PCSK4: variants seen among roughly 807,000 people sequenced by gnomAD.
PCSK4 encodes proprotein convertase subtilisin/kexin type 4, also known as testicular tissue protein Li 135.
PCSK4 carries 64 observed loss-of-function variants against 80.3 expected under a neutral mutation model. That is an observed-to-expected ratio of 0.80 (90% CI 0.65 to 0.98). The LOEUF (loss-of-function observed/expected upper bound fraction) is 0.98. PCSK4 is among the 50% of genes least tolerant of loss of function. The pLI is 0.00. For synonymous variants in PCSK4, 561 were observed against 487.6 expected, an observed-to-expected ratio of 1.15 and a Z score of -1.98; for missense variants, 1,213 against 1,093.6, an observed-to-expected ratio of 1.11 and a Z score of -1.54.
chr19:1,488,100 G>T lies in PCSK4; in HGVS notation c.388-8C>A. On this transcript the variant is annotated splice_polypyrimidine_tract_variant and splice_region_variant and intron_variant, in intron 3 of 14. Coordinates refer to ENST00000300954, the Ensembl canonical transcript of PCSK4. ...TGGTTGGGCCTCGCTGTTCTGCAGG[G>T]GGAGGCGGGGTTGTGACCCTGTGAG... 2 of 1,612,884 alleles carry T rather than the reference G, an allele frequency of 1.2e-6. No homozygotes were observed. The highest frequency in any genetic ancestry group is 1.7e-6 in the Non-Finnish European group (2 of 1,179,688).
At chr19:1,484,122 G>A in exon 9 of PCSK4, 1 of 1,552,110 alleles carries the variant, frequency 6.4e-7, no homozygotes, top group Middle Eastern at 1.7e-4. Context: ...GCAGGTCCGT[G>A]GTGACCTGAG....
exon 12 of PCSK4, chr19:1,483,393 A>C: frequency 6.2e-7 from 1 of 1,604,634 alleles, no homozygotes; most frequent in Non-Finnish European, 8.5e-7. Flanking sequence ...TGCTCCAGCG[A>C]GCGGATGGAG....
At chr19:1,486,877 G>A (rs763557304) in exon 8 of PCSK4, 18 of 1,598,896 alleles carry the variant, frequency 1.1e-5, no homozygotes, top group Middle Eastern at 3.7e-4. Flanking sequence ...TGGCCACGCC[G>A]CTGCTGTAGG....
intron 2 of PCSK4, among the ~76,000 whole-genome samples, chr19:1,488,842 A>C (rs2084783535): frequency 6.6e-6 from 1 of 152,126 alleles, no homozygotes; most frequent in African/African-American, 2.4e-5. Context: ...TGGCCTCCCG[A>C]AGTGCCGGGA....
exon 9 of PCSK4, chr19:1,484,049 T>C (rs1261291708): frequency 2.6e-6 from 4 of 1,555,438 alleles, no homozygotes; most frequent in Non-Finnish European, 3.5e-6. Context: ...GCTAGGGCGA[T>C]CATGCCGGCC....
intron 12 of PCSK4, 26 bp downstream of exon 12, chr19:1,483,258 C>T: frequency 1.3e-6 from 2 of 1,534,164 alleles, no homozygotes; most frequent in Non-Finnish European, 1.8e-6. Context: ...CATGAGGCCG[C>T]CCCCTCTCCT....
rs2084638100 is a variant in PCSK4 at position 1,486,740 on chromosome 19, C to T, written c.1068+113G>A. On this transcript the variant is annotated intron_variant, in intron 8 of 14. Coordinates refer to ENST00000300954, the Ensembl canonical transcript of PCSK4. ...AGCCACCGTGCTCGGCCTGGATTTG[C>T]ATTTTCAAAGCAGCTTTGGGAGGGT... 1.5e-5 allele frequency: 14 copies of T among 937,222 alleles called. No homozygotes were observed. In the South Asian group the frequency reaches 2.1e-4, roughly 14 times the overall value. The allele number at this position is 937,222 out of a possible 1,614,324, so 58.1% of individuals were successfully genotyped here.
At chr19:1,490,242 G>T (rs773032632) in exon 1 of PCSK4, 32 of 1,612,330 alleles carry the variant, frequency 2.0e-5, no homozygotes, top group Non-Finnish European at 1.1e-5. Context: ...CCCAGCTGCT[G>T]ACATAGATGG....
intron 7 of PCSK4, 37 bp from the exon 8 acceptor site, chr19:1,487,102 C>T (rs368994277): frequency 7.5e-6 from 12 of 1,601,950 alleles, no homozygotes; most frequent in Middle Eastern, 1.6e-4. Flanking sequence ...GGGCGTCGGC[C>T]TGGCCTGCCA....
At chr19:1,484,974 C>T (rs909408833) in intron 8 of PCSK4, among the ~76,000 whole-genome samples, 4 of 151,766 alleles carry the variant, frequency 2.6e-5, no homozygotes, top group Admixed American at 2.0e-4. Flanking sequence ...GGTGAAACCC[C>T]GTCTCTACAG....
chr19:1,483,331 G>C, exon 12 of PCSK4: 1 of 1,609,812 alleles, frequency 6.2e-7, no homozygotes, highest in Middle Eastern at 1.7e-4. Flanking sequence ...TGGTGAGCGA[G>C]ATCTCCAGGT....
intron 2 of PCSK4, 108 bp from the exon 3 acceptor site, chr19:1,488,388 T>C (rs2084754754): frequency 1.2e-6 from 1 of 815,466 alleles, no homozygotes; most frequent in East Asian, 2.7e-5. Flanking sequence ...TTTGTGGGGG[T>C]TGCTCTCCAG....
chr19:1,487,212 C>T lies in PCSK4; in HGVS notation c.784G>A (p.Glu262Lys), dbSNP rs116422632. 1,186 of 1,607,918 alleles carry T rather than the reference C, an allele frequency of 7.4e-4. 9 individuals are homozygous for T. In the African/African-American group the frequency reaches 0.014, roughly 19 times the overall value. Residue 262 changes from glutamate (E) to lysine (K), a missense_variant, in exon 7 of 15, where the codon GAG becomes AAG. By Grantham distance (56) the Glu-to-Lys change is moderately conservative (BLOSUM62 1). Transcript: ENST00000300954. Reference sequence around the variant, plus strand: ...CCGTCCACCGTGCGGCCGTCGTCCTCGGGACCCCAGCTGGCGCTGTAAATG... The same window carrying T: ...CCGTCCACCGTGCGGCCGTCGTCCTTGGGACCCCAGCTGGCGCTGTAAATG...
chr19:1,483,314 A>G, exon 12 of PCSK4: 1 of 1,607,856 alleles, frequency 6.2e-7, no homozygotes, highest in Non-Finnish European at 8.5e-7. Context: ...GCGCGTGCCC[A>G]TGGGGCTGGT....
intron 6 of PCSK4, 71 bp from the exon 7 acceptor site, chr19:1,487,384 C>A (rs1220297476): frequency 2.4e-6 from 3 of 1,238,632 alleles, no homozygotes; most frequent in Non-Finnish European, 3.4e-6. Flanking sequence ...CGCCCCGCGC[C>A]ACTCCACACC....
chr19:1,482,507 A>T (rs2084351879), intron 13 of PCSK4, 32 bp from the exon 14 acceptor site: 1 of 1,583,422 alleles, frequency 6.3e-7, no homozygotes, highest in Non-Finnish European at 8.6e-7. Context: ...GCACAGGAGG[A>T]AAAGGAGGCT....
At chr19:1,483,207 G>T (rs1385546066) in intron 12 of PCSK4, 77 bp downstream of exon 12, 3 of 1,399,426 alleles carry the variant, frequency 2.1e-6, no homozygotes, top group Non-Finnish European at 2.8e-6. Context: ...GCCCCTCCCC[G>T]TGAGGACACT....
exon 11 of PCSK4, chr19:1,483,682 C>T (rs779185931): frequency 3.1e-6 from 5 of 1,596,474 alleles, no homozygotes; most frequent in South Asian, 2.2e-5. Context: ...CGGCGCACTT[C>T]CTCTGCGGCT....
chr19:1,481,705 C>T, exon 15 of PCSK4: 1 of 1,256,878 alleles, frequency 8.0e-7, no homozygotes. Context: ...AGCATGGCAG[C>T]AGTGCCTGTC....
Sources: allele counts gnomAD v4.1 joint callset (sites outside exome capture counted in the v4.1 genomes callset), GRCh38; gene constraint gnomAD v4.1.1; transcripts MANE v1.5; gene names NCBI Gene and HGNC (gene_info 2026-07-23, HGNC 2026-07-21).